The following LYRM7 variants were observed in gnomAD, a reference collection of about 807,000 sequenced individuals.
LYRM7 encodes the protein LYR motif containing 7.
In LYRM7, 9 loss-of-function variants were observed where a neutral mutation model predicts 15.8. The ratio of observed to expected loss-of-function variants is 0.57; its 90% CI spans 0.34 to 0.99. The LOEUF (loss-of-function observed/expected upper bound fraction) is 0.99. Ranked by LOEUF, LYRM7 falls within the 50% of genes least tolerant of loss-of-function variation. The pLI, the probability that LYRM7 is intolerant of heterozygous loss-of-function variation, is 0.02. For synonymous variants in LYRM7, 39 were observed against 39.4 expected (o/e 0.99, Z 0.04); for missense variants, 115 against 119.1 (o/e 0.97, Z 0.16).
At chr5:131,189,060 C>G (rs1483094658) in intron 4 of LYRM7, among the ~76,000 whole-genome samples, 3 of 151,312 alleles carry the variant, frequency 2.0e-5, no homozygotes, top group Non-Finnish European at 2.9e-5. Flanking sequence ...GGAGGAGAAT[C>G]ACTTGAATGT....
chr5:131,178,995 A>G (rs970682195), intron 1 of LYRM7, among the ~76,000 whole-genome samples: 1 of 151,606 alleles, frequency 6.6e-6, no homozygotes, highest in Non-Finnish European at 1.5e-5. Flanking sequence ...GGGAATAGCA[A>G]TTAAATTTGT....
chr5:131,199,265 C>T (rs1756019728), intron 4 of LYRM7, among the ~76,000 whole-genome samples: 1 of 152,000 alleles, frequency 6.6e-6, no homozygotes, highest in African/African-American at 2.4e-5. Flanking sequence ...TAGCTGAATT[C>T]TCTTCAGTTA....
At chr5:131,184,643 G>GGGGT (rs1755766002) in intron 3 of LYRM7, among the ~76,000 whole-genome samples, 2 of 137,954 alleles carry the variant, frequency 1.4e-5, no homozygotes, top group African/African-American at 6.8e-5. Context: ...TTTTTGGCGG[G>GGGGT]GGGGGGGTTC....
chr5:131,203,748 TA>T lies in LYRM7; in HGVS notation c.*4152del, dbSNP rs1420526710. On this transcript the variant is annotated 3_prime_UTR_variant, in exon 5 of 5. Transcript: ENST00000379380. ...CAACAAGTTGACAAATATATCCACA[TA>T]AAAATATAAAACTTCTGTATTCTGT... The T allele has an allele frequency of 2.0e-5, 3 of 152,278 alleles. No individual in the cohort carries two copies. The highest frequency in any genetic ancestry group is 7.2e-5 in the African/African-American group (3 of 41,438). 9.4% of individuals were successfully genotyped at this position (152,278 alleles called of 1,614,324 possible).
intron 2 of LYRM7, among the ~76,000 whole-genome samples, chr5:131,181,296 AAAAAAAAT>A (rs1376299304): frequency 2.1e-4 from 3 of 14,462 alleles, no homozygotes; most frequent in African/African-American, 5.1e-4. Flanking sequence ...AAAAAAAAAA[AAAAAAAAT>A]ATATATATAT....
intron 1 of LYRM7, 140 bp from the exon 2 acceptor site, chr5:131,179,955 G>T: frequency 5.5e-6 from 3 of 545,586 alleles, no homozygotes; most frequent in Non-Finnish European, 6.5e-6. Flanking sequence ...TTTTTTTTTT[G>T]TAGAGATGGG....
intron 1 of LYRM7, among the ~76,000 whole-genome samples, chr5:131,177,521 T>G (rs1405827085): frequency 6.6e-6 from 1 of 152,224 alleles, no homozygotes; most frequent in Non-Finnish European, 1.5e-5. Flanking sequence ...AAGCAGACAT[T>G]TTTTCAAAAC....
At position 131,180,146 on chromosome 5, in the gene LYRM7, AATG is replaced by A; in HGVS notation, c.74_76del (p.Asp25del). ...CAGGACCAGACAACAAGTTTTTAAA[AATG>A]ATGCCAGAGCATTAGAAGGTAAGTA... On this transcript the variant is annotated inframe_deletion, in exon 2 of 5. Transcript: ENST00000379380. 1 of 1,612,090 alleles carries A rather than the reference AATG, an allele frequency of 6.2e-7. No homozygotes were observed. Among genetic ancestry groups the A allele is most frequent in the Non-Finnish European group, 8.5e-7 (1 of 1,178,380 alleles).
chr5:131,183,618 A>C lies in LYRM7; in HGVS notation c.162+1319A>C, dbSNP rs1365361835. Among the ~76,000 whole-genome samples, 3 of 152,262 alleles carry C rather than the reference A, an allele frequency of 2.0e-5. No homozygotes were observed. In the East Asian group the frequency reaches 5.8e-4, roughly 29 times the overall value. On this transcript the variant is annotated intron_variant, in intron 3 of 4. Coordinates refer to ENST00000379380, the MANE Select transcript of LYRM7 (RefSeq NM_181705.4). ...GTATATTTTGTACTTTCTGCAACTG[A>C]AAAATATTAAGATTTTAGTAATTTT... is the stretch of plus-strand genomic sequence containing the variant.
intron 2 of LYRM7, among the ~76,000 whole-genome samples, chr5:131,181,413 A>G (rs1441367792): frequency 3.4e-5 from 4 of 119,218 alleles, no homozygotes; most frequent in African/African-American, 7.2e-5. Context: ...ATACATATAT[A>G]TGTTTATATA....
intron 4 of LYRM7, among the ~76,000 whole-genome samples, chr5:131,196,628 C>T (rs72787009): frequency 3.3e-5 from 5 of 151,336 alleles, no homozygotes; most frequent in Admixed American, 2.0e-4. Flanking sequence ...CTTAGTATCA[C>T]TAAGGACAAG....
chr5:131,177,605 C>A (rs1755622004), intron 1 of LYRM7, among the ~76,000 whole-genome samples: 1 of 152,114 alleles, frequency 6.6e-6, no homozygotes, highest in Admixed American at 6.5e-5. Flanking sequence ...TTTTTTCCAT[C>A]CTTTACATGT....
Position 131,181,292 on chromosome 5 carries a change from A to T in LYRM7, c.92-937A>T, listed in dbSNP as rs1348177436. Among the ~76,000 whole-genome samples the T allele has an allele frequency of 7.3e-3, 117 of 16,072 alleles. 7 individuals carry two copies. Among genetic ancestry groups the T allele is most frequent in the African/African-American group, 0.015 (100 of 6,674 alleles). 10.5% of individuals were successfully genotyped at this position (16,072 alleles called of 152,430 possible). On this transcript the variant is annotated intron_variant, in intron 2 of 4. Transcript: ENST00000379380. The stretch of plus-strand genomic sequence containing the variant: ...CTCCATCTGAAAAAAAAAAAAAAAA[A>T]AAAAAAAAAAATATATATATATATA...
intron 4 of LYRM7, among the ~76,000 whole-genome samples, chr5:131,199,073 A>T (rs982909549): frequency 5.9e-5 from 9 of 152,222 alleles, no homozygotes; most frequent in Admixed American, 5.2e-4. Context: ...AAATTCCAGT[A>T]GCATTCTCCA....
intron 4 of LYRM7, among the ~76,000 whole-genome samples, chr5:131,192,435 AAC>A (rs1458253591): frequency 6.6e-6 from 1 of 152,222 alleles, no homozygotes; most frequent in Non-Finnish European, 1.5e-5. Flanking sequence ...GAATATTCCT[AAC>A]ACAAAGAAAT....
intron 1 of LYRM7, 98 bp downstream of exon 1, chr5:131,171,136 T>A: frequency 1.7e-6 from 2 of 1,203,460 alleles, no homozygotes; most frequent in Non-Finnish European, 2.2e-6. Flanking sequence ...CTGGGGCTCC[T>A]GACCCTTTAT....
intron 2 of LYRM7, among the ~76,000 whole-genome samples, chr5:131,181,692 C>G (rs1043398300): frequency 6.6e-6 from 1 of 151,554 alleles, no homozygotes. Context: ...CCAAAGTATG[C>G]TGCTATAATG....
chr5:131,182,087 T>G, intron 2 of LYRM7, 142 bp from the exon 3 acceptor site: 1 of 730,902 alleles, frequency 1.4e-6, no homozygotes, highest in South Asian at 2.0e-5. Flanking sequence ...ATTAATAAAT[T>G]TCTTATTCTT....
Position 131,205,267 on chromosome 5 carries a change from T to A in LYRM7, c.*5666T>A, listed in dbSNP as rs1210089961. On this transcript the variant is annotated 3_prime_UTR_variant, in exon 5 of 5. Transcript: ENST00000379380. ...GTATGTATTCAAAAAACAGTTGTTTTGTGATTTTAAAATGTAAATGAATGG... is the reference window on the plus strand; with the variant it reads ...GTATGTATTCAAAAAACAGTTGTTTAGTGATTTTAAAATGTAAATGAATGG... 6.6e-6 allele frequency: 1 copy of A among 152,234 alleles called. No homozygotes were observed. The allele number at this position is 152,234 out of a possible 1,614,324, so 9.4% of individuals were successfully genotyped here. A position where few individuals can be genotyped will look rare whatever the true frequency, so the allele number is the denominator to read the frequency against.
Sources: allele counts gnomAD v4.1 joint callset (sites outside exome capture counted in the v4.1 genomes callset), GRCh38; gene constraint gnomAD v4.1.1; transcripts MANE v1.5; gene names NCBI Gene and HGNC (gene_info 2026-07-23, HGNC 2026-07-21).